The following EFCAB6 variants were observed in gnomAD, a reference collection of about 807,000 sequenced individuals.
EFCAB6 encodes the protein EF-hand calcium binding domain 6.
In EFCAB6, 156 loss-of-function variants were observed where a neutral mutation model predicts 169.8. That is an observed-to-expected ratio of 0.92 (90% CI 0.81 to 1.05). The LOEUF (loss-of-function observed/expected upper bound fraction) is 1.05. Among genes scored for constraint, EFCAB6 ranks in the 50% least tolerant of loss-of-function variants. The pLI is 0.00. For synonymous variants in EFCAB6, 698 were observed against 676.4 expected (o/e 1.03, Z -0.50); for missense variants, 1,800 against 1,829.1 (o/e 0.98, Z 0.29).
At chr22:43,540,393 G>C in intron 27 of EFCAB6, 36 bp from the exon 28 acceptor site, 1 of 1,612,518 alleles carries the variant, frequency 6.2e-7, no homozygotes, top group Admixed American at 1.7e-5. Flanking sequence ...CCAGGTGTCA[G>C]TGCAAACACA....
At chr22:43,696,999 A>G (rs1483336615) in intron 10 of EFCAB6, among the ~76,000 whole-genome samples, 1 of 152,208 alleles carries the variant, frequency 6.6e-6, no homozygotes, top group Non-Finnish European at 1.5e-5. Context: ...GACATAAACA[A>G]TTGTTTACAG....
At chr22:43,682,198 C>T (rs2058032858) in intron 12 of EFCAB6, among the ~76,000 whole-genome samples, 1 of 152,134 alleles carries the variant, frequency 6.6e-6, no homozygotes, top group Non-Finnish European at 1.5e-5. Context: ...CACTATGTAA[C>T]TGTAAGGCAT....
At chr22:43,548,173 C>G (rs1043993728) in intron 27 of EFCAB6, among the ~76,000 whole-genome samples, 6 of 152,092 alleles carry the variant, frequency 3.9e-5, no homozygotes, top group Non-Finnish European at 7.3e-5. Context: ...GAAATAAATT[C>G]ATACATATCA....
intron 17 of EFCAB6, among the ~76,000 whole-genome samples, chr22:43,643,312 G>T (rs1174997845): frequency 6.6e-6 from 1 of 152,232 alleles, no homozygotes; most frequent in African/African-American, 2.4e-5. Flanking sequence ...GTAGAGCAAA[G>T]ATTTGAACAC....
chr22:43,669,046 C>A lies in EFCAB6; in HGVS notation c.1641-1G>T, dbSNP rs987682918. 1.3e-6 allele frequency: 2 copies of A among 1,593,380 alleles called. No homozygotes were observed. Among genetic ancestry groups the A allele is most frequent in the East Asian group, 2.3e-5 (1 of 44,286 alleles). On this transcript the variant is annotated splice_acceptor_variant, in intron 15 of 31. Coordinates refer to ENST00000262726, the MANE Select transcript of EFCAB6 (RefSeq NM_022785.4). LOFTEE classifies it high-confidence loss of function. ...AATGTCCTGAATCTTACTGCAGAGT[C>A]TGAATTTTAAAAAATAATTAAAACA...
At chr22:43,643,410 A>C (rs988952866) in intron 17 of EFCAB6, among the ~76,000 whole-genome samples, 9 of 152,230 alleles carry the variant, frequency 5.9e-5, no homozygotes, top group Non-Finnish European at 8.8e-5. Context: ...TTTGTCCTTT[A>C]CTGATGAGAA....
At chr22:43,687,852 AT>A (rs1208879660) in intron 10 of EFCAB6, among the ~76,000 whole-genome samples, 4 of 152,366 alleles carry the variant, frequency 2.6e-5, no homozygotes, top group Non-Finnish European at 5.9e-5. Context: ...GATTAAAATA[AT>A]AATGTCCATA....
intron 29 of EFCAB6, chr22:43,536,166 AT>A (rs2047373273): frequency 2.0e-5 from 3 of 152,190 alleles, no homozygotes; most frequent in Admixed American, 2.0e-4. Context: ...GTGAAGGTTT[AT>A]CACTCTCAAA....
chr22:43,639,518 T>C (rs185814539), intron 17 of EFCAB6, among the ~76,000 whole-genome samples: 159 of 152,352 alleles, frequency 1.0e-3, no homozygotes, highest in Non-Finnish European at 1.6e-3. Context: ...GTGAGGCCAA[T>C]GGTAATTTAA....
intron 6 of EFCAB6, among the ~76,000 whole-genome samples, chr22:43,742,648 A>G (rs1249136600): frequency 6.6e-6 from 1 of 152,254 alleles, no homozygotes; most frequent in Admixed American, 6.5e-5. Context: ...TCTCCTGGCC[A>G]GAGACCTGGT....
rs1303140189 is a variant in EFCAB6 at position 43,632,222 on chromosome 22, C to A, written c.2115G>T (p.Gly705=). ...GAGGCTGCGGCGGAGTGGTTTCCGG[C>A]CCTCTCATTGGAGGATCTGGAACAA... is the stretch of plus-strand genomic sequence containing the variant. The part of the protein sequence containing the change: ...AAGFEDPPMR[G]PETTPPQPPT... Residue 705 remains glycine (G), a synonymous_variant, in exon 19 of 32, where the codon GGG becomes GGT. Coordinates refer to ENST00000262726, the MANE Select transcript of EFCAB6 (RefSeq NM_022785.4). The A allele has an allele frequency of 6.2e-6, 10 of 1,613,256 alleles. No individual in the cohort carries two copies. Among genetic ancestry groups the A allele is most frequent in the Non-Finnish European group, 8.5e-6 (10 of 1,179,790 alleles).
At chr22:43,779,452 T>C (rs568331934) in intron 3 of EFCAB6, among the ~76,000 whole-genome samples, 3 of 152,154 alleles carry the variant, frequency 2.0e-5, no homozygotes, top group South Asian at 4.2e-4. Context: ...TTTTAAAAAG[T>C]AAAAAAATGC....
rs1569464040 is a variant in EFCAB6 at position 43,744,913 on chromosome 22, G to A, written c.508-8920C>T. On this transcript the variant is annotated intron_variant, in intron 6 of 31. Coordinates refer to ENST00000262726, the MANE Select transcript of EFCAB6 (RefSeq NM_022785.4). This position sits in a 1 kb window ranked among gnomAD's most constrained non-coding sequence, Gnocchi z 4.3. ...CGGGCTTGGAGGAGCTGAGAAGGGC[G>A]TGCTGAACCAGCCCCACACTTGAGG... 6.6e-6 allele frequency among the ~76,000 whole-genome samples: 1 copy of A among 152,156 alleles called. No homozygotes were observed. The highest frequency in any genetic ancestry group is 6.5e-5 in the Admixed American group (1 of 15,282).
chr22:43,788,610 G>T lies in EFCAB6; in HGVS notation c.-7-6285C>A, dbSNP rs570075801. ...TATTGGCAAGATTATAGAGATATTG[G>T]AATTCTCATATTACTGGTGAGAATG... On this transcript the variant is annotated intron_variant, in intron 2 of 31. Transcript: ENST00000262726. Among the ~76,000 whole-genome samples, 5 of 152,272 alleles carry T rather than the reference G, an allele frequency of 3.3e-5. No individual in the cohort carries two copies. The East Asian group carries it at 9.6e-4, about 29-fold the overall frequency.
intron 17 of EFCAB6, among the ~76,000 whole-genome samples, chr22:43,646,049 T>C (rs957220088): frequency 4.6e-5 from 7 of 152,198 alleles, no homozygotes; most frequent in Non-Finnish European, 7.3e-5. Flanking sequence ...AATTTAGTAC[T>C]TCAATGACAG....
At chr22:43,729,526 T>G (rs2059858385) in intron 8 of EFCAB6, among the ~76,000 whole-genome samples, 1 of 152,138 alleles carries the variant, frequency 6.6e-6, no homozygotes, top group Non-Finnish European at 1.5e-5. Flanking sequence ...TAGAAAATAC[T>G]CAGTTTATCC....
intron 2 of EFCAB6, among the ~76,000 whole-genome samples, chr22:43,798,384 G>A (rs954521780): frequency 4.0e-5 from 6 of 151,772 alleles, no homozygotes; most frequent in East Asian, 1.9e-4. Context: ...TTGCTGACCC[G>A]TTCCCAGGAG....
intron 10 of EFCAB6, among the ~76,000 whole-genome samples, chr22:43,704,026 T>A (rs1205698823): frequency 6.6e-6 from 1 of 151,882 alleles, no homozygotes; most frequent in Non-Finnish European, 1.5e-5. Flanking sequence ...CACAGAGGTC[T>A]CTAATCAAAT....
At chr22:43,731,570 C>T (rs2059949307) in intron 8 of EFCAB6, 129 bp downstream of exon 8, 7 of 531,120 alleles carry the variant, frequency 1.3e-5, no homozygotes, top group Admixed American at 4.1e-5. Flanking sequence ...AATAATGATA[C>T]CATGGCTAGC....
Sources: allele counts gnomAD v4.1 joint callset (sites outside exome capture counted in the v4.1 genomes callset), GRCh38; gene constraint gnomAD v4.1.1; non-coding constraint Gnocchi (gnomAD v3.1); transcripts MANE v1.5; gene names NCBI Gene and HGNC (gene_info 2026-07-23, HGNC 2026-07-21).